The following SDR16C5 variants were observed in gnomAD, a reference collection of about 807,000 sequenced individuals.
The protein encoded by SDR16C5 is short chain dehydrogenase/reductase family 16C member 5, also known as epidermal retinol dehydrogenase 2.
Under a neutral mutation model 27.7 loss-of-function variants are expected in SDR16C5, and 20 were observed. The ratio of observed to expected loss-of-function variants is 0.72; its 90% CI spans 0.51 to 1.05. The LOEUF (loss-of-function observed/expected upper bound fraction) is 1.05, where lower values mean the gene tolerates loss of function less well. SDR16C5 is among the 50% of genes least tolerant of loss of function. SDR16C5 has a pLI of 0.00. For synonymous variants in SDR16C5, 139 were observed against 132.3 expected, an observed-to-expected ratio of 1.05 and a Z score of -0.35; for missense variants, 374 against 366.3, an observed-to-expected ratio of 1.02 and a Z score of -0.17.
chr8:56,306,767 C>A lies in SDR16C5; in HGVS notation c.619G>T (p.Glu207Ter), dbSNP rs771318653. 4 of 1,613,296 alleles carry A rather than the reference C, an allele frequency of 2.5e-6. No homozygotes were observed. In the South Asian group the frequency reaches 4.4e-5, roughly 18 times the overall value. The change falls in exon 5 of 7, where the codon GAA becomes TAA. Residue 207 changes from glutamate to a stop codon, truncating the protein, a stop_gained. Transcript: ENST00000303749. LOFTEE classifies it high-confidence loss of function. Reference protein sequence around the residue: ...AFGFAESVFVETFVQKQKGIK... With the variant: ...AFGFAESVFV ...CCCTTTTGTTTTTGGACAAATGTTT[C>A]TACAAATACAGATTCAGCAAACCCA...
At chr8:56,315,921 G>A in intron 2 of SDR16C5, 94 bp downstream of exon 2, 1 of 817,158 alleles carries the variant, frequency 1.2e-6, no homozygotes, top group Non-Finnish European at 2.0e-6. Flanking sequence ...TTACATTAAA[G>A]GGACACTGGA....
chr8:56,305,700 G>C lies in SDR16C5; in HGVS notation c.733C>G (p.Leu245Val), dbSNP rs374563478. 5 of 1,594,326 alleles carry C rather than the reference G, an allele frequency of 3.1e-6. No individual in the cohort carries two copies. The African/African-American group carries it at 5.4e-5, about 17-fold the overall frequency. The part of the protein sequence containing the change: ...TTGCPSLLPI[L>V]EPKYAVEKIV... ...TTTTCAACTGCATATTTTGGTTCCA[G>C]AATTGGCAACAGAGAAGGACAGCTA... is the stretch of plus-strand genomic sequence containing the variant. Residue 245 changes from leucine to valine, a missense_variant, in exon 6 of 7, where the codon CTG (leucine) becomes GTG (valine). Transcript: ENST00000303749.
chr8:56,303,996 C>T (rs879650176), intron 6 of SDR16C5: 18 of 702,838 alleles, frequency 2.6e-5, no homozygotes, highest in Non-Finnish European at 4.4e-5. Flanking sequence ...GATCGTAAGC[C>T]TGAATTTCGA....
Position 56,310,171 on chromosome 8 carries a change from G to GAGGAGGAGGA in SDR16C5, c.466-1154_466-1145dup, listed in dbSNP as rs1814996238. ...AGGAGGAAGGAGGAGGAGGAGGGAG[G>GAGGAGGAGGA]AGGAGGAGGAGGAAGGAGGAGGAGG... On this transcript the variant is annotated intron_variant, in intron 3 of 6. Coordinates refer to ENST00000303749, the MANE Select transcript of SDR16C5 (RefSeq NM_138969.4). 5.5e-5 allele frequency among the ~76,000 whole-genome samples: 2 copies of GAGGAGGAGGA among 36,324 alleles called. 1 individual carries two copies. Among genetic ancestry groups the GAGGAGGAGGA allele is most frequent in the Non-Finnish European group, 1.0e-4 (2 of 20,002 alleles). The allele number at this position is 36,324 out of a possible 152,430, so 23.8% of individuals were successfully genotyped here.
rs910480360 is a variant in SDR16C5, at chr8:56,306,601, TA to T, written c.710+74del. The T allele has an allele frequency of 8.1e-5, 109 of 1,341,220 alleles. No individual in the cohort carries two copies. In the African/African-American group the frequency reaches 1.0e-3, roughly 12 times the overall value. The allele number at this position is 1,341,220 out of a possible 1,614,324, so 83.1% of individuals were successfully genotyped here. Reference sequence around the variant, plus strand: ...CCAGAACAATATATTTTAAACAACTTAAAAAAAAGAACAAAATAAAATAGCA... The same window carrying T: ...CCAGAACAATATATTTTAAACAACTTAAAAAAAGAACAAAATAAAATAGCA... On this transcript the variant is annotated intron_variant, in intron 5 of 6. Transcript: ENST00000303749.
At position 56,316,037 on chromosome 8, in the gene SDR16C5, C is replaced by T; in HGVS notation, c.311G>A (p.Gly104Glu). The change falls in exon 2 of 7, where the codon GGA (glycine) becomes GAA (glutamate). Residue 104 changes from glycine to glutamate, a missense_variant. By Grantham distance (98) the Gly-to-Glu change is moderately conservative. Transcript: ENST00000303749. ...TACCTGGTCGGCTACTCTATACACT[C>T]CTTCCTTTTGGCTGCAATCGCAGGT... The part of the protein sequence containing the change: ...AYTCDCSQKE[G>E]VYRVADQVKK... 6.2e-7 allele frequency: 1 copy of T among 1,613,870 alleles called. No homozygotes were observed. Among genetic ancestry groups the T allele is most frequent in the Non-Finnish European group, 8.5e-7 (1 of 1,179,746 alleles).
intron 1 of SDR16C5, 97 bp from the exon 2 acceptor site, chr8:56,316,458 A>C (rs1254751560): frequency 4.0e-6 from 3 of 741,148 alleles, no homozygotes; most frequent in Non-Finnish European, 6.7e-6. Flanking sequence ...AGTGAAAGTA[A>C]CTGAGATATG....
At position 56,312,231 on chromosome 8, in the gene SDR16C5, C is replaced by T; in HGVS notation, c.391G>A (p.Gly131Ser). 1 of 1,613,652 alleles carries T rather than the reference C, an allele frequency of 6.2e-7. No individual in the cohort carries two copies. The highest frequency in any genetic ancestry group is 1.1e-5 in the South Asian group (1 of 91,064). ...ILINNAGIVTGKKFLDCPDEL... is the reference protein window; with the variant it reads ...ILINNAGIVTSKKFLDCPDEL... ...TCTGGACAGTCAAGGAACTTTTTGC[C>T]TGTTACGATTCCGGCATTGTTGATT... is the stretch of plus-strand genomic sequence containing the variant. The change falls in exon 3 of 7, where the codon GGC becomes AGC. Residue 131 changes from glycine (G) to serine (S), a missense_variant. Transcript: ENST00000303749.
At chr8:56,305,532 T>G in intron 6 of SDR16C5, 65 bp downstream of exon 6, 1 of 1,392,092 alleles carries the variant, frequency 7.2e-7, no homozygotes. Context: ...TGGCTTCTCC[T>G]GGTGGGATTT....
chr8:56,318,538 C>G (rs1259731357), intron 1 of SDR16C5, among the ~76,000 whole-genome samples: 1 of 152,170 alleles, frequency 6.6e-6, no homozygotes, highest in East Asian at 1.9e-4. Flanking sequence ...AAAATCCACA[C>G]CAGGAGTAGT....
chr8:56,309,606 G>C (rs1814973295), intron 3 of SDR16C5: 1 of 983,540 alleles, frequency 1.0e-6, no homozygotes, highest in African/African-American at 1.7e-5. Context: ...AGGTAAAAGA[G>C]ACAGAAATGA....
At position 56,316,263 on chromosome 8, in the gene SDR16C5, C is replaced by T. The variant is rs767560400; in HGVS notation, c.85G>A (p.Ala29Thr). ...LFSLLEAMIF[A>T]LLPKPRKNVA... ...TTCTTCCGTGGCTTTGGGAGTAAGG[C>T]AAAAATCATAGCCTCCAGAAGACTA... Residue 29 changes from alanine to threonine, a missense_variant, in exon 2 of 7, where the codon GCC becomes ACC. By Grantham distance (58) the Ala-to-Thr change is moderately conservative. Coordinates refer to ENST00000303749, the MANE Select transcript of SDR16C5 (RefSeq NM_138969.4). The T allele has an allele frequency of 1.6e-5, 26 of 1,613,718 alleles. No individual in the cohort carries two copies. The highest frequency in any genetic ancestry group is 2.0e-5 in the Non-Finnish European group (24 of 1,179,722).
At chr8:56,305,286 G>T (rs775398607) in intron 6 of SDR16C5, among the ~76,000 whole-genome samples, 7 of 152,082 alleles carry the variant, frequency 4.6e-5, no homozygotes, top group Non-Finnish European at 1.0e-4. Flanking sequence ...ATGAGCGCAA[G>T]AAAATCTCTC....
At chr8:56,304,064 C>CA (rs1317768193) in intron 6 of SDR16C5, 2 of 702,876 alleles carry the variant, frequency 2.8e-6, no homozygotes, top group Admixed American at 4.0e-5. Flanking sequence ...GCATTCTGAC[C>CA]CATCCTGTGC....
At chr8:56,318,340 T>G (rs1239835827) in intron 1 of SDR16C5, among the ~76,000 whole-genome samples, 1 of 152,194 alleles carries the variant, frequency 6.6e-6, no homozygotes, top group Non-Finnish European at 1.5e-5. Context: ...CAGAGTAACT[T>G]TTGAATGATT....
Position 56,305,718 on chromosome 8 carries a change from G to A in SDR16C5, c.715C>T (p.Pro239Ser), listed in dbSNP as rs770267695. 6.3e-7 allele frequency: 1 copy of A among 1,583,056 alleles called. No homozygotes were observed. The highest frequency in any genetic ancestry group is 8.5e-7 in the Non-Finnish European group (1 of 1,171,104). ...GMFEGCTTGCPSLLPILEPKY... is the reference protein window; with the variant it reads ...GMFEGCTTGCSSLLPILEPKY... ...GGTTCCAGAATTGGCAACAGAGAAGGACAGCTAGGATATAAAATGACAACA... is the reference window on the plus strand; with the variant it reads ...GGTTCCAGAATTGGCAACAGAGAAGAACAGCTAGGATATAAAATGACAACA... The change falls in exon 6 of 7, where the codon CCT (proline) becomes TCT (serine). Residue 239 changes from proline to serine, a missense_variant. By Grantham distance (74) the Pro-to-Ser change is moderately conservative (BLOSUM62 -1). Coordinates refer to ENST00000303749, the MANE Select transcript of SDR16C5 (RefSeq NM_138969.4).
intron 6 of SDR16C5, chr8:56,303,979 A>G (rs541213214): frequency 1.4e-6 from 1 of 702,994 alleles, no homozygotes; most frequent in Admixed American, 2.0e-5. Context: ...GACTTAGTGA[A>G]TAGTGGGATC....
At chr8:56,318,848 T>C (rs775222695) in intron 1 of SDR16C5, among the ~76,000 whole-genome samples, 3 of 152,106 alleles carry the variant, frequency 2.0e-5, no homozygotes, top group Non-Finnish European at 4.4e-5. Flanking sequence ...AGTTGAAGTT[T>C]AGGGTGCCTG....
chr8:56,313,598 A>C (rs1233115813), intron 2 of SDR16C5, among the ~76,000 whole-genome samples: 1 of 152,238 alleles, frequency 6.6e-6, no homozygotes, highest in Non-Finnish European at 1.5e-5. Context: ...TTGGGACAGT[A>C]AAAATACTGT....
Sources: gnomAD v4.1 joint callset for allele counts (sites outside exome capture counted in the v4.1 genomes callset) on GRCh38, gnomAD v4.1.1 for gene constraint, MANE v1.5 for transcripts, NCBI Gene and HGNC (gene_info 2026-07-23, HGNC 2026-07-21) for gene names.